SLC44A5: variants seen among roughly 807,000 people sequenced by gnomAD.
The protein encoded by SLC44A5 is solute carrier family 44 member 5, also known as choline transporter-like protein 5.
A neutral mutation model predicts 101.8 loss-of-function variants in SLC44A5; 57 were observed. The observed-to-expected ratio is 0.56, with a 90% CI of 0.45 to 0.70. SLC44A5 has a LOEUF of 0.70. Ranked by LOEUF, SLC44A5 falls within the 30% of genes least tolerant of loss-of-function variation. SLC44A5 has a pLI of 0.00. For missense variants in SLC44A5, 737 were observed against 853.1 expected (o/e 0.86, Z 1.70); for synonymous variants, 281 against 290.9 (o/e 0.97, Z 0.35).
At chr1:75,399,086 G>A (rs1271535828) in intron 2 of SLC44A5, among the ~76,000 whole-genome samples, 1 of 151,912 alleles carries the variant, frequency 6.6e-6, no homozygotes, top group Non-Finnish European at 1.5e-5. Context: ...GATGAGAACT[G>A]GTAGGAGATG....
the SLC44A5 span, among the ~76,000 whole-genome samples, chr1:75,623,599 T>A: frequency 3.3e-5 from 5 of 151,990 alleles, no homozygotes; most frequent in East Asian, 3.9e-4. Flanking sequence ...GGTTTTTTTT[T>A]AAAATGGACC....
chr1:75,634,436 A>G, the SLC44A5 span, among the ~76,000 whole-genome samples: 1 of 151,898 alleles, frequency 6.6e-6, no homozygotes. Flanking sequence ...CAGTAACCAA[A>G]ACAGCATGGT....
At chr1:75,535,125 T>C (rs114029806) in intron 2 of SLC44A5, among the ~76,000 whole-genome samples, 1,705 of 151,536 alleles carry the variant, frequency 0.011, 32 homozygotes, top group African/African-American at 0.039. Flanking sequence ...AAAATGCTTC[T>C]GGCACAATCT....
At chr1:75,611,454 T>C (rs1345257415), upstream of SLC44A5, among the ~76,000 whole-genome samples, 1 of 152,130 alleles carries the variant, frequency 6.6e-6, no homozygotes, top group Non-Finnish European at 1.5e-5. Flanking sequence ...CATATCCCAC[T>C]TACCAACATC....
In SLC44A5 at chr1:75,479,057, G is replaced by T. The variant is rs372325288; in HGVS notation, c.13+62378C>A. 1.2e-3 allele frequency among the ~76,000 whole-genome samples: 176 copies of T among 152,318 alleles called. 1 individual carries two copies. The East Asian group carries it at 0.022, about 19-fold the overall frequency. On this transcript the variant is annotated intron_variant, in intron 2 of 23. Coordinates refer to ENST00000370859, the MANE Select transcript of SLC44A5 (RefSeq NM_001130058.2). ...AGAAATTATAAGAAACTATCTCTCA[G>T]ACCACAGTGCAATCAAACTAGAACT... is the stretch of plus-strand genomic sequence containing the variant.
intron 1 of SLC44A5, among the ~76,000 whole-genome samples, chr1:75,583,337 G>A (rs958762632): frequency 1.3e-5 from 2 of 152,172 alleles, no homozygotes; most frequent in Non-Finnish European, 2.9e-5. Flanking sequence ...ATCTCATTAA[G>A]TACATTTGCA....
intron 7 of SLC44A5, 102 bp downstream of exon 7, chr1:75,251,108 G>T: frequency 1.2e-6 from 1 of 847,954 alleles, no homozygotes; most frequent in Non-Finnish European, 2.0e-6. Flanking sequence ...TGAACCCCCT[G>T]CCCACGCACA....
At chr1:75,692,089 G>A in the SLC44A5 span, among the ~76,000 whole-genome samples, 2 of 151,754 alleles carry the variant, frequency 1.3e-5, no homozygotes, top group African/African-American at 4.8e-5. Flanking sequence ...CTGCTAATGG[G>A]AATGATCCAG....
intron 6 of SLC44A5, among the ~76,000 whole-genome samples, chr1:75,254,947 A>G (rs938816466): frequency 6.6e-6 from 1 of 152,158 alleles, no homozygotes; most frequent in African/African-American, 2.4e-5. Context: ...AAAGTTTATG[A>G]TTTTGTGTTG....
the SLC44A5 span, among the ~76,000 whole-genome samples, chr1:75,626,323 GGAATCCAGCCA>G: frequency 1.3e-5 from 2 of 152,236 alleles, no homozygotes; most frequent in Admixed American, 6.5e-5. Flanking sequence ...AGTGTGTTAT[GGAATCCAGCCA>G]GAATTAACAA....
intron 4 of SLC44A5, among the ~76,000 whole-genome samples, chr1:75,328,319 T>C (rs1656763413): frequency 6.6e-6 from 1 of 152,174 alleles, no homozygotes; most frequent in Non-Finnish European, 1.5e-5. Context: ...AATATATTCT[T>C]CTGACACAGG....
the SLC44A5 span, among the ~76,000 whole-genome samples, chr1:75,712,380 A>G: frequency 2.0e-5 from 3 of 152,368 alleles, no homozygotes; most frequent in South Asian, 6.2e-4. Context: ...TTAATCTTTC[A>G]AATGTAAAAG....
the SLC44A5 span, among the ~76,000 whole-genome samples, chr1:75,659,289 C>G: frequency 5.5e-5 from 3 of 54,148 alleles, no homozygotes; most frequent in Non-Finnish European, 9.2e-5. Context: ...CAAAACCAAA[C>G]AAAGATTTTT....
At chr1:75,207,251 G>C (rs1160476638) in intron 23 of SLC44A5, among the ~76,000 whole-genome samples, 1 of 152,126 alleles carries the variant, frequency 6.6e-6, no homozygotes, top group East Asian at 1.9e-4. Flanking sequence ...TAGGGACCCA[G>C]CTTCTTGACA....
At chr1:75,316,660 A>G (rs1655713210) in intron 4 of SLC44A5, among the ~76,000 whole-genome samples, 1 of 152,252 alleles carries the variant, frequency 6.6e-6, no homozygotes, top group Non-Finnish European at 1.5e-5. Flanking sequence ...CGAATTTGTT[A>G]TACAAAGGAG....
At chr1:75,608,607 AT>A (rs1474566862) in intron 1 of SLC44A5, among the ~76,000 whole-genome samples, 1 of 152,050 alleles carries the variant, frequency 6.6e-6, no homozygotes, top group Non-Finnish European at 1.5e-5. Flanking sequence ...AAAAAGTTTA[AT>A]ATAATTTAGT....
intron 2 of SLC44A5, among the ~76,000 whole-genome samples, chr1:75,507,253 G>T (rs183130643): frequency 6.6e-6 from 1 of 151,980 alleles, no homozygotes; most frequent in Non-Finnish European, 1.5e-5. Flanking sequence ...AGTTTTTATC[G>T]TGAAAGGATG....
chr1:75,594,775 CTT>C (rs769874638), intron 1 of SLC44A5, among the ~76,000 whole-genome samples: 1 of 147,038 alleles, frequency 6.8e-6, no homozygotes, highest in Admixed American at 6.8e-5. Flanking sequence ...AAGATGGTAC[CTT>C]TTTTTTTTAT....
chr1:75,646,908 T>G, the SLC44A5 span, among the ~76,000 whole-genome samples: 1 of 152,148 alleles, frequency 6.6e-6, no homozygotes, highest in Non-Finnish European at 1.5e-5. Context: ...CTCGGAAAAT[T>G]TGCAGGCTGA....
Sources: gnomAD v4.1 joint callset for allele counts (sites outside exome capture counted in the v4.1 genomes callset) on GRCh38, gnomAD v4.1.1 for gene constraint, MANE v1.5 for transcripts, NCBI Gene and HGNC (gene_info 2026-07-23, HGNC 2026-07-21) for gene names.